The following MAN1A1 variants were observed in gnomAD, a reference collection of about 807,000 sequenced individuals.
MAN1A1 encodes the protein mannosidase alpha class 1A member 1, also known as mannosyl-oligosaccharide 1,2-alpha-mannosidase IA.
Under a neutral mutation model 70.8 loss-of-function variants are expected in MAN1A1, and 29 were observed. The observed-to-expected ratio is 0.41, with a 90% CI of 0.31 to 0.56. The LOEUF is 0.56. Among genes scored for constraint, MAN1A1 ranks in the 20% least tolerant of loss-of-function variants. The probability of loss-of-function intolerance (pLI) is 0.29; values close to 1 mark genes in which losing one functional copy is unlikely to be tolerated. For synonymous variants in MAN1A1, 349 were observed against 330.1 expected (o/e 1.06, Z -0.62); for missense variants, 747 against 841.3 (o/e 0.89, Z 1.39).
chr6:119,203,414 T>C (rs1773770367), intron 7 of MAN1A1, among the ~76,000 whole-genome samples: 1 of 150,826 alleles, frequency 6.6e-6, no homozygotes, highest in South Asian at 2.1e-4. Context: ...AGGCCAGAGG[T>C]GAGGAGACAA....
At chr6:119,265,737 C>T (rs1484432735) in intron 5 of MAN1A1, among the ~76,000 whole-genome samples, 1 of 151,888 alleles carries the variant, frequency 6.6e-6, no homozygotes, top group Non-Finnish European at 1.5e-5. Flanking sequence ...AGGGATGTCC[C>T]CTCTTACCAC....
intron 5 of MAN1A1, among the ~76,000 whole-genome samples, chr6:119,278,998 ATTCTTT>A (rs1776156497): frequency 1.7e-4 from 26 of 152,122 alleles, no homozygotes; most frequent in Admixed American, 4.6e-4. Flanking sequence ...CAGCCTCAGT[ATTCTTT>A]TATAGCAATA....
intron 2 of MAN1A1, among the ~76,000 whole-genome samples, chr6:119,328,436 A>G (rs1403933391): frequency 1.3e-5 from 2 of 152,222 alleles, no homozygotes; most frequent in Non-Finnish European, 2.9e-5. Context: ...ACAGGGTTGG[A>G]CTGTTAATAA....
chr6:119,304,526 C>T (rs994877626), intron 3 of MAN1A1, among the ~76,000 whole-genome samples: 1 of 152,146 alleles, frequency 6.6e-6, no homozygotes, highest in African/African-American at 2.4e-5. Context: ...CCACTGAAAT[C>T]TTGAAATAAA....
chr6:119,239,100 G>A (rs890679868), intron 6 of MAN1A1, among the ~76,000 whole-genome samples: 12 of 151,850 alleles, frequency 7.9e-5, no homozygotes, highest in African/African-American at 2.9e-4. Context: ...CCGTGGTCTC[G>A]ATCTCCTGAC....
intron 2 of MAN1A1, among the ~76,000 whole-genome samples, chr6:119,335,612 G>C (rs1404385250): frequency 6.6e-6 from 1 of 152,210 alleles, no homozygotes; most frequent in Non-Finnish European, 1.5e-5. Context: ...CACAAAATCA[G>C]TGACACACAG....
rs147555702 is a variant in MAN1A1 at position 119,201,329 on chromosome 6, C to G, written c.1135G>C (p.Val379Leu). ...FAEKVMNIRT[V>L]LNKLEKPQGL... ...TGTGGTTTTTCCAGTTTGTTCAGTA[C>G]TGTTCGAATATTCATTACCTATAAT... Residue 379 changes from valine (V) to leucine (L), a missense_variant, in exon 8 of 13, where the codon GTA (valine) becomes CTA (leucine). This residue lies in a region of MAN1A1 where 419 missense variants were observed against 548.2 expected (regional missense o/e 0.76). Coordinates refer to ENST00000368468, the MANE Select transcript of MAN1A1 (RefSeq NM_005907.4). The G allele has an allele frequency of 3.1e-6, 5 of 1,611,280 alleles. No individual in the cohort carries two copies. The highest frequency in any genetic ancestry group is 4.2e-6 in the Non-Finnish European group (5 of 1,177,614).
At chr6:119,230,050 C>G (rs2357162) in intron 6 of MAN1A1, among the ~76,000 whole-genome samples, 64,537 of 151,908 alleles carry the variant, frequency 0.42, 14,338 homozygotes, top group East Asian at 0.76. Flanking sequence ...GACAGATGAT[C>G]TCAAATGAAA....
intron 2 of MAN1A1, among the ~76,000 whole-genome samples, chr6:119,334,726 G>A (rs367564778): frequency 5.3e-5 from 8 of 152,104 alleles, no homozygotes; most frequent in African/African-American, 1.7e-4. Context: ...AATAATCAAC[G>A]GATATTATCA....
intron 6 of MAN1A1, among the ~76,000 whole-genome samples, chr6:119,225,068 A>T (rs954674175): frequency 2.0e-5 from 3 of 152,040 alleles, no homozygotes; most frequent in African/African-American, 7.2e-5. Flanking sequence ...CAGAGGTTGC[A>T]GGGAGGCAGA....
chr6:119,210,896 T>C (rs1774032412), intron 6 of MAN1A1: 2 of 456,130 alleles, frequency 4.4e-6, no homozygotes, highest in African/African-American at 2.0e-5. Flanking sequence ...CCTCATATGG[T>C]AGCCTCCATA....
At chr6:119,293,546 T>C (rs968075118) in intron 4 of MAN1A1, among the ~76,000 whole-genome samples, 8 of 152,032 alleles carry the variant, frequency 5.3e-5, no homozygotes, top group African/African-American at 1.9e-4. Flanking sequence ...ACCACCACCA[T>C]CACTAGTTCT....
intron 2 of MAN1A1, among the ~76,000 whole-genome samples, chr6:119,335,382 T>A (rs1401679626): frequency 6.6e-6 from 1 of 152,208 alleles, no homozygotes; most frequent in Non-Finnish European, 1.5e-5. Flanking sequence ...AGAGGAATTA[T>A]TAACTCCATT....
chr6:119,350,259 G>T (rs1231643696), upstream of MAN1A1, among the ~76,000 whole-genome samples: 1 of 152,162 alleles, frequency 6.6e-6, no homozygotes. Context: ...TCAGAAGCAC[G>T]GCTTTACTCC....
chr6:119,299,402 T>A (rs930031334), intron 4 of MAN1A1, among the ~76,000 whole-genome samples: 2 of 152,210 alleles, frequency 1.3e-5, no homozygotes, highest in East Asian at 3.9e-4. Context: ...GAAAATAGTA[T>A]AATAAAGACA....
intron 6 of MAN1A1, among the ~76,000 whole-genome samples, chr6:119,235,005 G>GC (rs1412931659): frequency 1.3e-5 from 2 of 152,154 alleles, no homozygotes; most frequent in Non-Finnish European, 2.9e-5. Flanking sequence ...GTTTTAGGGT[G>GC]CCACCAACCA....
chr6:119,265,261 C>T (rs1348609489), intron 5 of MAN1A1, among the ~76,000 whole-genome samples: 3 of 152,014 alleles, frequency 2.0e-5, no homozygotes, highest in African/African-American at 7.2e-5. Flanking sequence ...CCAATACACC[C>T]AGCTAATTTT....
At chr6:119,190,621 C>T (rs967509038) in intron 9 of MAN1A1, among the ~76,000 whole-genome samples, 1 of 151,990 alleles carries the variant, frequency 6.6e-6, no homozygotes, top group African/African-American at 2.4e-5. Flanking sequence ...GAATCAAGTT[C>T]CTCTCTAATA....
intron 5 of MAN1A1, among the ~76,000 whole-genome samples, chr6:119,259,835 T>C (rs929030394): frequency 1.3e-5 from 2 of 152,148 alleles, no homozygotes; most frequent in Non-Finnish European, 2.9e-5. Context: ...TTTTTCCCCA[T>C]GCCAATATTA....
Sources: gnomAD v4.1 joint callset for allele counts (sites outside exome capture counted in the v4.1 genomes callset) on GRCh38, gnomAD v4.1.1 for gene constraint, gnomAD v4.1.1 regional missense constraint, MANE v1.5 for transcripts, NCBI Gene and HGNC (gene_info 2026-07-23, HGNC 2026-07-21) for gene names.